Variants in TENM3 observed in about 807,000 individuals in gnomAD.
TENM3 encodes teneurin-3.
In TENM3, 63 loss-of-function variants were observed where a neutral mutation model predicts 255.1. That is an observed-to-expected ratio of 0.25 (90% CI 0.20 to 0.30). The LOEUF (loss-of-function observed/expected upper bound fraction) is 0.30. Among genes scored for constraint, TENM3 ranks in the 10% least tolerant of loss-of-function variants. TENM3 has a pLI of 1.00. For synonymous variants in TENM3, 1,306 were observed against 1,322.3 expected, an observed-to-expected ratio of 0.99 and a Z score of 0.27; for missense variants, 2,929 against 3,461.1, an observed-to-expected ratio of 0.85 and a Z score of 3.86.
chr4:182,263,583 A>G (rs1002889551), intron 1 of TENM3, among the ~76,000 whole-genome samples: 10 of 134,754 alleles, frequency 7.4e-5, no homozygotes, highest in Non-Finnish European at 1.3e-4. Flanking sequence ...ATTGAGGGAC[A>G]TGGGCAATTC....
At chr4:181,732,007 C>T in the TENM3 span, among the ~76,000 whole-genome samples, 1 of 152,074 alleles carries the variant, frequency 6.6e-6, no homozygotes, top group Non-Finnish European at 1.5e-5. Flanking sequence ...ACATAAAATC[C>T]TCAAATGCAA....
the TENM3 span, among the ~76,000 whole-genome samples, chr4:181,472,197 A>G: frequency 1.3e-5 from 2 of 152,138 alleles, no homozygotes; most frequent in African/African-American, 2.4e-5. Context: ...GATATGTGTG[A>G]GTGTATATAC....
At chr4:181,990,336 A>G in the TENM3 span, among the ~76,000 whole-genome samples, 1 of 152,166 alleles carries the variant, frequency 6.6e-6, no homozygotes, top group East Asian at 1.9e-4. Flanking sequence ...CCATGGATAA[A>G]CTACGTGCAT....
the TENM3 span, among the ~76,000 whole-genome samples, chr4:181,513,274 G>A: frequency 6.6e-6 from 1 of 151,916 alleles, no homozygotes; most frequent in African/African-American, 2.4e-5. Flanking sequence ...AAAAATCAAA[G>A]CAATATAAAT....
chr4:181,906,000 C>G, the TENM3 span: 1 of 490,990 alleles, frequency 2.0e-6, no homozygotes, highest in Non-Finnish European at 3.9e-6. Flanking sequence ...ATTTCTCATG[C>G]TTTTCATTAT....
At chr4:182,275,629 T>TA (rs367852973) in intron 1 of TENM3, among the ~76,000 whole-genome samples, 30 of 149,570 alleles carry the variant, frequency 2.0e-4, no homozygotes, top group African/African-American at 7.0e-4. Context: ...AAGTACTCTT[T>TA]AAAAAAAAAG....
At chr4:181,501,798 C>T in the TENM3 span, among the ~76,000 whole-genome samples, 1 of 152,162 alleles carries the variant, frequency 6.6e-6, no homozygotes, top group African/African-American at 2.4e-5. Context: ...CCAGTTCCAT[C>T]TAATATAAAT....
At chr4:181,736,691 A>G in the TENM3 span, among the ~76,000 whole-genome samples, 12 of 151,968 alleles carry the variant, frequency 7.9e-5, no homozygotes, top group Non-Finnish European at 1.6e-4. Flanking sequence ...CAACTAGGTT[A>G]TTTTTAAATC....
At chr4:182,777,548 T>TGTGTGTGTGTGTGTG (rs1491158989) in intron 24 of TENM3, among the ~76,000 whole-genome samples, 1 of 64,860 alleles carries the variant, frequency 1.5e-5, no homozygotes, top group East Asian at 7.3e-4. Context: ...TGTGTATTTC[T>TGTGTGTGTGTGTGTG]TTTTTTTTTT....
At chr4:181,511,013 G>A in the TENM3 span, among the ~76,000 whole-genome samples, 1 of 152,140 alleles carries the variant, frequency 6.6e-6, no homozygotes, top group Non-Finnish European at 1.5e-5. Context: ...ATTTACTTTG[G>A]GGGGAGGGTG....
intron 18 of TENM3, among the ~76,000 whole-genome samples, chr4:182,742,736 T>A (rs969661259): frequency 1.3e-5 from 2 of 152,196 alleles, no homozygotes; most frequent in African/African-American, 4.8e-5. Flanking sequence ...CACGTTAAGA[T>A]CATCTGGAGA....
chr4:182,123,548 C>G, the TENM3 span, among the ~76,000 whole-genome samples: 2 of 152,076 alleles, frequency 1.3e-5, 1 homozygote, highest in South Asian at 4.2e-4. Flanking sequence ...GGGGAAGCAG[C>G]CAATCAGTGG....
chr4:182,161,673 A>ATATATATACATATATATTTG lies in TENM3; in HGVS notation c.-76+16920_-76+16921insATATATACATATATATTTGT, dbSNP rs1386724701. Among the ~76,000 whole-genome samples the ATATATATACATATATATTTG allele has an allele frequency of 5.0e-5, 3 of 60,024 alleles. 1 individual carries two copies. Among genetic ancestry groups the ATATATATACATATATATTTG allele is most frequent in the South Asian group, 1.3e-3 (2 of 1,576 alleles). 39.4% of individuals were successfully genotyped at this position (60,024 alleles called of 152,430 possible). On this transcript the variant is annotated intron_variant, in intron 1 of 2. Coordinates refer to the TENM3 transcript ENST00000512480. ...TATATACACACACACAAATATATAT[A>ATATATATACATATATATTTG]TGTATATATATACACAAATATATAT...
At chr4:182,487,494 G>T (rs1471716371) in intron 3 of TENM3, among the ~76,000 whole-genome samples, 1 of 152,006 alleles carries the variant, frequency 6.6e-6, no homozygotes, top group Non-Finnish European at 1.5e-5. Context: ...AATAAACCCA[G>T]TTCTGGTTTC....
chr4:182,207,590 G>A (rs1352266723), intron 1 of TENM3, among the ~76,000 whole-genome samples: 2 of 152,142 alleles, frequency 1.3e-5, no homozygotes, highest in Admixed American at 6.6e-5. Context: ...TGCCAGCTAA[G>A]TAACTTACAC....
the TENM3 span, among the ~76,000 whole-genome samples, chr4:182,115,760 C>G: frequency 6.6e-6 from 1 of 152,068 alleles, no homozygotes; most frequent in Non-Finnish European, 1.5e-5. Flanking sequence ...TTCTCTGGTC[C>G]GTACTATCCA....
At chr4:182,787,302 AAGGTCAGGCTGCTTC>A (rs1285092862) in intron 24 of TENM3, among the ~76,000 whole-genome samples, 1 of 152,178 alleles carries the variant, frequency 6.6e-6, no homozygotes, top group Non-Finnish European at 1.5e-5. Context: ...GTTGAAAGCC[AAGGTCAGGCTGCTTC>A]AGGTCTGGAG....
intron 1 of TENM3, among the ~76,000 whole-genome samples, chr4:182,184,858 G>C (rs1009577761): frequency 6.6e-6 from 1 of 152,132 alleles, no homozygotes; most frequent in African/African-American, 2.4e-5. Flanking sequence ...AGGCCGAGGT[G>C]TATCACCTGA....
At chr4:182,423,835 A>G (rs1289430392) in intron 3 of TENM3, among the ~76,000 whole-genome samples, 3 of 152,186 alleles carry the variant, frequency 2.0e-5, no homozygotes, top group Non-Finnish European at 4.4e-5. Context: ...ATATATTTAG[A>G]TGTTTTCTTT....
Sources: allele counts gnomAD v4.1 joint callset (sites outside exome capture counted in the v4.1 genomes callset), GRCh38; gene constraint gnomAD v4.1.1; transcripts MANE v1.5; gene names NCBI Gene and HGNC (gene_info 2026-07-23, HGNC 2026-07-21).